The following WWTR1 variants were observed in gnomAD, a reference collection of about 807,000 sequenced individuals.
The protein encoded by WWTR1 is WW domain-containing transcription regulator protein 1.
A neutral mutation model predicts 40.1 loss-of-function variants in WWTR1; 13 were observed. The observed-to-expected ratio is 0.32, with a 90% CI of 0.21 to 0.52. WWTR1 has a LOEUF of 0.52. Ranked by LOEUF, WWTR1 falls within the 20% of genes least tolerant of loss-of-function variation. The probability of loss-of-function intolerance (pLI) is 0.97; values close to 1 mark genes in which losing one functional copy is unlikely to be tolerated. For synonymous variants in WWTR1, 230 were observed against 210.1 expected, an observed-to-expected ratio of 1.09 and a Z score of -0.82; for missense variants, 436 against 523.1, an observed-to-expected ratio of 0.83 and a Z score of 1.63.
At chr3:149,540,975 T>C in intron 4 of WWTR1, 1 of 452,236 alleles carries the variant, frequency 2.2e-6, no homozygotes, top group South Asian at 1.6e-5. Flanking sequence ...ATGTGTATTT[T>C]TGAAAGTATC....
At chr3:149,688,779 C>T (rs1472597010) in intron 1 of WWTR1, among the ~76,000 whole-genome samples, 6 of 152,086 alleles carry the variant, frequency 3.9e-5, no homozygotes, top group African/African-American at 1.2e-4. Context: ...AAAAACAGGA[C>T]CTCACCAAAT....
intron 2 of WWTR1, among the ~76,000 whole-genome samples, chr3:149,666,138 G>A (rs1576632101): frequency 6.6e-6 from 1 of 152,148 alleles, no homozygotes; most frequent in Admixed American, 6.5e-5. Flanking sequence ...TACACTAGCT[G>A]TTCAAGCCAC....
At chr3:149,533,380 A>T (rs1735679651) in intron 4 of WWTR1, among the ~76,000 whole-genome samples, 2 of 152,224 alleles carry the variant, frequency 1.3e-5, no homozygotes, top group South Asian at 2.1e-4. Flanking sequence ...TATGAAGAAG[A>T]GTGGGGCTAT....
chr3:149,575,782 G>A (rs1483588862), intron 2 of WWTR1, among the ~76,000 whole-genome samples: 6 of 152,184 alleles, frequency 3.9e-5, no homozygotes, highest in African/African-American at 1.4e-4. Flanking sequence ...CATCTGAAGT[G>A]GCAGATGAGC....
intron 2 of WWTR1, among the ~76,000 whole-genome samples, chr3:149,636,662 G>C (rs1000748036): frequency 6.6e-6 from 1 of 152,076 alleles, no homozygotes; most frequent in African/African-American, 2.4e-5. Flanking sequence ...ATATGTATTG[G>C]CTTATTGCAT....
At chr3:149,583,444 TCCTCCTGCCTCAG>T (rs1738250150) in intron 2 of WWTR1, among the ~76,000 whole-genome samples, 1 of 152,148 alleles carries the variant, frequency 6.6e-6, no homozygotes. Context: ...GCTTAAGTGA[TCCTCCTGCCTCAG>T]CCTCCCGAGG....
chr3:149,520,789 G>C lies in WWTR1; in HGVS notation c.*16C>G. 1 of 1,548,276 alleles carries C rather than the reference G, an allele frequency of 6.5e-7. No homozygotes were observed. The highest frequency in any genetic ancestry group is 1.4e-5 in the African/African-American group (1 of 71,270). ...AATGTAAGGTCATGGCTACATCCAA[G>C]TTACAATGGTAGTGATTACAGCCAG... On this transcript the variant is annotated 3_prime_UTR_variant, in exon 7 of 7. Transcript: ENST00000360632.
chr3:149,538,769 A>G (rs1165795270), intron 4 of WWTR1, among the ~76,000 whole-genome samples: 1 of 152,306 alleles, frequency 6.6e-6, no homozygotes, highest in East Asian at 1.9e-4. Context: ...ATGAAAGTCA[A>G]AGATGGTAGC....
At chr3:149,656,532 A>C (rs949506532) in intron 2 of WWTR1, among the ~76,000 whole-genome samples, 4 of 152,072 alleles carry the variant, frequency 2.6e-5, no homozygotes, top group African/African-American at 4.8e-5. Context: ...GCTCTGGACT[A>C]TCTGACTTAG....
intron 3 of WWTR1, among the ~76,000 whole-genome samples, chr3:149,543,630 A>T (rs1348152347): frequency 6.7e-6 from 1 of 148,188 alleles, no homozygotes; most frequent in Non-Finnish European, 1.5e-5. Flanking sequence ...AAATAATTTT[A>T]AAATCCTTAA....
intron 4 of WWTR1, chr3:149,540,385 A>G: frequency 2.4e-6 from 1 of 420,292 alleles, no homozygotes; most frequent in South Asian, 1.7e-5. Flanking sequence ...CTTTTCAGAA[A>G]TACTTTCTGT....
At chr3:149,624,205 G>A (rs976177419) in intron 2 of WWTR1, among the ~76,000 whole-genome samples, 2 of 152,200 alleles carry the variant, frequency 1.3e-5, no homozygotes, top group African/African-American at 4.8e-5. Flanking sequence ...TGAAGTGGGC[G>A]GGTGAGGGCG....
chr3:149,540,039 C>T (rs1275114488), intron 4 of WWTR1, among the ~76,000 whole-genome samples: 1 of 150,096 alleles, frequency 6.7e-6, no homozygotes, highest in Non-Finnish European at 1.5e-5. Flanking sequence ...GGCATCAGAA[C>T]ACCAGAACCA....
intron 1 of WWTR1, among the ~76,000 whole-genome samples, chr3:149,700,820 A>G (rs1163879706): frequency 6.6e-6 from 1 of 152,194 alleles, no homozygotes; most frequent in East Asian, 1.9e-4. Flanking sequence ...AACCACATAA[A>G]TTAAAAAAGA....
intron 3 of WWTR1, among the ~76,000 whole-genome samples, chr3:149,550,648 G>A (rs574013165): frequency 1.1e-3 from 175 of 152,250 alleles, no homozygotes; most frequent in African/African-American, 3.9e-3. Context: ...AAGCGGACAG[G>A]GAATGTTGAA....
chr3:149,572,762 G>A (rs528621314), intron 3 of WWTR1, 102 bp downstream of exon 3: 3 of 1,390,884 alleles, frequency 2.2e-6, no homozygotes, highest in Admixed American at 2.2e-5. Context: ...TGTTAGGATT[G>A]TTTGAGCCCA....
chr3:149,561,331 A>G (rs900978381), intron 3 of WWTR1, among the ~76,000 whole-genome samples: 1 of 152,132 alleles, frequency 6.6e-6, no homozygotes, highest in Non-Finnish European at 1.5e-5. Context: ...TAAGTTAAAA[A>G]AAAAGAACAT....
intron 2 of WWTR1, among the ~76,000 whole-genome samples, chr3:149,614,749 G>A (rs540628586): frequency 6.6e-6 from 1 of 152,142 alleles, no homozygotes; most frequent in Admixed American, 6.5e-5. Flanking sequence ...TTGGGAAGCC[G>A]AGGTGAGTGG....
chr3:149,579,962 G>T (rs1738063866), intron 2 of WWTR1, among the ~76,000 whole-genome samples: 1 of 152,180 alleles, frequency 6.6e-6, no homozygotes, highest in Admixed American at 6.5e-5. Flanking sequence ...AAGTAAATCT[G>T]ACCCACTGTC....
Sources: gnomAD v4.1 joint callset for allele counts (sites outside exome capture counted in the v4.1 genomes callset) on GRCh38, gnomAD v4.1.1 for gene constraint, MANE v1.5 for transcripts, NCBI Gene and HGNC (gene_info 2026-07-23, HGNC 2026-07-21) for gene names.